PDE4D: variants seen among roughly 807,000 people sequenced by gnomAD.
PDE4D encodes phosphodiesterase 4D.
Under a neutral mutation model 87.4 loss-of-function variants are expected in PDE4D, and 24 were observed. The observed-to-expected ratio is 0.27, with a 90% CI of 0.20 to 0.39. PDE4D has a LOEUF of 0.39. Among genes scored for constraint, PDE4D ranks in the 10% least tolerant of loss-of-function variants. The probability of loss-of-function intolerance (pLI) is 1.00; values close to 1 mark genes in which losing one functional copy is unlikely to be tolerated. For missense variants in PDE4D, 714 were observed against 1,041.0 expected, an observed-to-expected ratio of 0.69 and a Z score of 4.32; for synonymous variants, 384 against 383.2, an observed-to-expected ratio of 1.00 and a Z score of -0.02.
At chr5:59,698,025 G>A (rs1273598202) in intron 1 of PDE4D, among the ~76,000 whole-genome samples, 1 of 152,110 alleles carries the variant, frequency 6.6e-6, no homozygotes, top group African/African-American at 2.4e-5. Context: ...TTAGTCTAGT[G>A]AAGATTCAGA....
At chr5:59,085,950 A>C (rs968239685) in intron 5 of PDE4D, among the ~76,000 whole-genome samples, 1 of 152,208 alleles carries the variant, frequency 6.6e-6, no homozygotes, top group African/African-American at 2.4e-5. Flanking sequence ...TAGAAGGAAA[A>C]GAATCAAGTA....
chr5:60,226,749 A>T (rs900791550), intron 1 of PDE4D, among the ~76,000 whole-genome samples: 3 of 151,760 alleles, frequency 2.0e-5, no homozygotes, highest in Non-Finnish European at 4.4e-5. Flanking sequence ...ATTTTTCCCC[A>T]AACTCTTTGT....
chr5:60,292,742 T>TC (rs1322886498), intron 1 of PDE4D, among the ~76,000 whole-genome samples: 3 of 152,124 alleles, frequency 2.0e-5, no homozygotes, highest in Non-Finnish European at 4.4e-5. Flanking sequence ...CTCTCCCCCT[T>TC]CCCCAACAAA....
At chr5:59,969,056 T>C (rs1206133247) in intron 3 of PDE4D, among the ~76,000 whole-genome samples, 1 of 150,894 alleles carries the variant, frequency 6.6e-6, no homozygotes, top group African/African-American at 2.4e-5. Context: ...ATTTCTATTA[T>C]TGATGCCAGA....
chr5:59,836,697 G>A (rs910246849), intron 1 of PDE4D, among the ~76,000 whole-genome samples: 2 of 146,944 alleles, frequency 1.4e-5, no homozygotes, highest in Non-Finnish European at 3.0e-5. Context: ...ATCTATCTAT[G>A]TATCTGTCTA....
Position 58,989,760 on chromosome 5 carries a change from A to C in PDE4D, c.1447T>G (p.Leu483Val). 1.9e-6 allele frequency: 3 copies of C among 1,588,566 alleles called. No individual in the cohort carries two copies. Among genetic ancestry groups the C allele is most frequent in the Non-Finnish European group, 2.6e-6 (3 of 1,170,392 alleles). The change falls in exon 10 of 15, where the codon TTG becomes GTG. Residue 483 changes from leucine to valine, a missense_variant. Physicochemically the swap from Leu to Val is conservative, Grantham distance 32. Around this residue, in one of 7 missense-constraint regions of PDE4D, gnomAD observed 141 missense variants for 204.3 expected, o/e 0.69. Coordinates refer to ENST00000340635, the MANE Select transcript of PDE4D (RefSeq NM_001104631.2). ...AATTTCAGAAACAGATTTACCTCCA[A>C]AGCAGGTGTAGATAATAGCACATGA... Reference protein sequence around the residue: ...STHVLLSTPALEAVFTDLEIL... With the variant: ...STHVLLSTPAVEAVFTDLEIL...
chr5:59,563,525 G>A (rs557978478), intron 1 of PDE4D, among the ~76,000 whole-genome samples: 2 of 152,352 alleles, frequency 1.3e-5, no homozygotes, highest in South Asian at 4.1e-4. Flanking sequence ...CCATTAGTGA[G>A]TGGTCACTAT....
chr5:59,287,074 G>A (rs2153552755), intron 1 of PDE4D, among the ~76,000 whole-genome samples: 1 of 152,244 alleles, frequency 6.6e-6, no homozygotes, highest in African/African-American at 2.4e-5. Context: ...TTAGGTACCA[G>A]CTTAGCCACA....
chr5:59,240,443 C>A (rs1306862321), intron 1 of PDE4D, among the ~76,000 whole-genome samples: 1 of 152,048 alleles, frequency 6.6e-6, no homozygotes, highest in Non-Finnish European at 1.5e-5. Flanking sequence ...CTGTGCTCAC[C>A]CACTTATTTT....
chr5:60,346,320 T>G (rs1330292036), intron 1 of PDE4D, among the ~76,000 whole-genome samples: 1 of 152,118 alleles, frequency 6.6e-6, no homozygotes, highest in Admixed American at 6.6e-5. Flanking sequence ...GCTGGTGACA[T>G]TCTAACATAA....
chr5:59,119,545 G>A (rs367843526), intron 5 of PDE4D, among the ~76,000 whole-genome samples: 3 of 152,110 alleles, frequency 2.0e-5, no homozygotes, highest in Non-Finnish European at 2.9e-5. Context: ...TCTACCCTAC[G>A]TATAACTTGT....
intron 5 of PDE4D, among the ~76,000 whole-genome samples, chr5:59,161,924 C>T (rs557381150): frequency 1.3e-5 from 2 of 152,208 alleles, no homozygotes; most frequent in African/African-American, 4.8e-5. Flanking sequence ...GGTAGACCTG[C>T]TAGCTTAACT....
intron 1 of PDE4D, among the ~76,000 whole-genome samples, chr5:59,471,734 G>T (rs1458303410): frequency 6.6e-6 from 1 of 152,204 alleles, no homozygotes; most frequent in Non-Finnish European, 1.5e-5. Context: ...AATATAAAGT[G>T]TCAAGCAGTT....
intron 6 of PDE4D, among the ~76,000 whole-genome samples, chr5:59,013,111 G>C (rs1753179014): frequency 6.6e-6 from 1 of 152,122 alleles, no homozygotes; most frequent in Non-Finnish European, 1.5e-5. Context: ...TGAGAACAAA[G>C]ACACAACATA....
chr5:59,052,344 A>G (rs1290080540), intron 5 of PDE4D, among the ~76,000 whole-genome samples: 1 of 152,184 alleles, frequency 6.6e-6, no homozygotes, highest in East Asian at 1.9e-4. Flanking sequence ...TGCAGCCTGA[A>G]TAAAGGTTGT....
chr5:60,254,170 T>C (rs1194727134), intron 1 of PDE4D, among the ~76,000 whole-genome samples: 1 of 151,938 alleles, frequency 6.6e-6, no homozygotes, highest in Non-Finnish European at 1.5e-5. Flanking sequence ...AGACTACTTA[T>C]GATCCCTTTG....
intron 1 of PDE4D, among the ~76,000 whole-genome samples, chr5:59,258,871 AT>A (rs1455634250): frequency 1.3e-5 from 2 of 151,284 alleles, no homozygotes; most frequent in South Asian, 4.2e-4. Context: ...AGTGATACTG[AT>A]TTTTTTCCAC....
intron 1 of PDE4D, among the ~76,000 whole-genome samples, chr5:60,250,517 A>ACG (rs1244385867): frequency 1.2e-4 from 18 of 152,024 alleles, no homozygotes; most frequent in African/African-American, 4.1e-4. Flanking sequence ...AATGGACCAC[A>ACG]TACTACAGTG....
intron 1 of PDE4D, among the ~76,000 whole-genome samples, chr5:59,446,673 A>G (rs1798394764): frequency 2.6e-5 from 4 of 152,222 alleles, no homozygotes. Context: ...AAATGTTTGA[A>G]CAATGGCAAT....
Sources: gnomAD v4.1 joint callset for allele counts (sites outside exome capture counted in the v4.1 genomes callset) on GRCh38, gnomAD v4.1.1 for gene constraint, gnomAD v4.1.1 regional missense constraint, MANE v1.5 for transcripts, NCBI Gene and HGNC (gene_info 2026-07-23, HGNC 2026-07-21) for gene names.